ZNF521: variants seen among roughly 807,000 people sequenced by gnomAD.
The protein encoded by ZNF521 is LYST-interacting protein 3.
In ZNF521, 14 loss-of-function variants were observed where a neutral mutation model predicts 105.5. The observed-to-expected ratio is 0.13, with a 90% CI of 0.09 to 0.21. The LOEUF (loss-of-function observed/expected upper bound fraction) is 0.21. Ranked by LOEUF, ZNF521 falls within the 10% of genes least tolerant of loss-of-function variation. The probability of loss-of-function intolerance (pLI) is 1.00; values close to 1 mark genes in which losing one functional copy is unlikely to be tolerated. For synonymous variants in ZNF521, 635 were observed against 606.0 expected, an observed-to-expected ratio of 1.05 and a Z score of -0.70; for missense variants, 1,233 against 1,629.7, an observed-to-expected ratio of 0.76 and a Z score of 4.19.
chr18:25,149,277 T>C (rs1567983192), intron 5 of ZNF521, among the ~76,000 whole-genome samples: 2 of 152,214 alleles, frequency 1.3e-5, no homozygotes, highest in Non-Finnish European at 2.9e-5. Flanking sequence ...GCCATAGATG[T>C]AGGTCTTCTT....
chr18:25,283,285 A>T (rs1436363417), intron 3 of ZNF521, among the ~76,000 whole-genome samples: 1 of 152,194 alleles, frequency 6.6e-6, no homozygotes, highest in Admixed American at 6.5e-5. Context: ...CACATCATAC[A>T]TTCCCACTCT....
intron 5 of ZNF521, among the ~76,000 whole-genome samples, chr18:25,104,280 A>G (rs921838043): frequency 2.6e-5 from 4 of 152,226 alleles, no homozygotes; most frequent in African/African-American, 9.6e-5. Context: ...CTCTCCTAAC[A>G]CAAAAGGAAA....
chr18:25,085,891 A>G (rs1284771679), intron 7 of ZNF521, among the ~76,000 whole-genome samples: 1 of 152,108 alleles, frequency 6.6e-6, no homozygotes, highest in Non-Finnish European at 1.5e-5. Context: ...AAAGATATCC[A>G]TAGTGATGTT....
chr18:25,164,550 A>C (rs892155660), intron 5 of ZNF521, among the ~76,000 whole-genome samples: 1 of 152,216 alleles, frequency 6.6e-6, no homozygotes, highest in Non-Finnish European at 1.5e-5. Context: ...GTTTAATTTA[A>C]ACTGCATGCG....
At chr18:25,069,744 G>C (rs2033168398) in intron 7 of ZNF521, among the ~76,000 whole-genome samples, 1 of 152,212 alleles carries the variant, frequency 6.6e-6, no homozygotes, top group African/African-American at 2.4e-5. Flanking sequence ...CATATGCATA[G>C]TGGATTTTTT....
In ZNF521 at chr18:25,156,045, T is replaced by C. The variant is rs138407969; in HGVS notation, c.3658+39115A>G. Among the ~76,000 whole-genome samples the C allele has an allele frequency of 2.0e-4, 30 of 152,320 alleles. No homozygotes were observed. In the East Asian group the frequency reaches 4.0e-3, roughly 21 times the overall value. ...GAGCTAATGTACAACATAAGGACTA[T>C]AGTTAGTGATAGTGTACTGTACTCA... is the stretch of plus-strand genomic sequence containing the variant. On this transcript the variant is annotated intron_variant, in intron 5 of 7. Transcript: ENST00000361524.
chr18:25,162,401 T>C (rs1293153089), intron 5 of ZNF521, among the ~76,000 whole-genome samples: 1 of 152,218 alleles, frequency 6.6e-6, no homozygotes, highest in African/African-American at 2.4e-5. Context: ...AATGTATGGA[T>C]ACGGAATTCT....
intron 5 of ZNF521, among the ~76,000 whole-genome samples, chr18:25,187,142 A>T (rs1341204349): frequency 6.6e-6 from 1 of 152,146 alleles, no homozygotes; most frequent in Non-Finnish European, 1.5e-5. Context: ...CATCTTAAAG[A>T]AAAAAGTAAA....
chr18:25,069,258 A>AGTTTTAAAAGTTAAAAAAGTTTAAAAG (rs2033154439), intron 7 of ZNF521, among the ~76,000 whole-genome samples: 1 of 152,166 alleles, frequency 6.6e-6, no homozygotes, highest in Admixed American at 6.5e-5. Context: ...AAAAGTGTAT[A>AGTTTTAAAAGTTAAAAAAGTTTAAAAG]CAGCTAATGA....
chr18:25,285,433 T>C (rs1234924058), intron 3 of ZNF521, among the ~76,000 whole-genome samples: 4 of 152,212 alleles, frequency 2.6e-5, no homozygotes, highest in Non-Finnish European at 5.9e-5. Flanking sequence ...TTATAAAACA[T>C]GTGTTGCTGA....
At chr18:25,245,924 A>G (rs1399924549) in intron 3 of ZNF521, among the ~76,000 whole-genome samples, 1 of 152,116 alleles carries the variant, frequency 6.6e-6, no homozygotes, top group East Asian at 1.9e-4. Context: ...AGGCAAGAGG[A>G]TTGCTTGAGC....
chr18:25,094,696 T>C (rs72881251), intron 5 of ZNF521, among the ~76,000 whole-genome samples: 20,674 of 152,114 alleles, frequency 0.14, 1,588 homozygotes, highest in Middle Eastern at 0.2. Context: ...ATATATGAAT[T>C]GTTACACAGC....
intron 4 of ZNF521, among the ~76,000 whole-genome samples, chr18:25,207,019 T>C (rs1339513678): frequency 1.3e-5 from 2 of 152,174 alleles, no homozygotes; most frequent in Admixed American, 6.5e-5. Flanking sequence ...TAACTAAAAT[T>C]ATCTAGATTT....
intron 5 of ZNF521, among the ~76,000 whole-genome samples, chr18:25,106,370 AAAAC>A (rs1200035004): frequency 1.3e-5 from 2 of 152,182 alleles, no homozygotes; most frequent in African/African-American, 4.8e-5. Flanking sequence ...GGGGTTAACA[AAAAC>A]AAACAAACCC....
chr18:25,230,687 TC>T (rs1906476496), intron 3 of ZNF521, among the ~76,000 whole-genome samples: 1 of 152,228 alleles, frequency 6.6e-6, no homozygotes, highest in African/African-American at 2.4e-5. Context: ...GGACTGTCTT[TC>T]TGGGTGATGG....
intron 4 of ZNF521, among the ~76,000 whole-genome samples, chr18:25,213,011 A>AT (rs946300126): frequency 6.6e-6 from 1 of 151,412 alleles, no homozygotes; most frequent in Non-Finnish European, 1.5e-5. Flanking sequence ...TATATTTTCA[A>AT]TTTTTGTGCT....
At chr18:25,351,741 C>G (rs1378601338) in intron 1 of ZNF521, 1 of 155,534 alleles carries the variant, frequency 6.4e-6, no homozygotes, top group Admixed American at 6.5e-5. Context: ...GAGCCGACGG[C>G]CCCCAGGTGG....
chr18:25,244,249 A>G (rs983270808), intron 3 of ZNF521, among the ~76,000 whole-genome samples: 1 of 151,850 alleles, frequency 6.6e-6, no homozygotes, highest in Non-Finnish European at 1.5e-5. Context: ...ACTTTCCCAG[A>G]GACATTCTAA....
chr18:25,342,403 C>A (rs1249584452), intron 2 of ZNF521, among the ~76,000 whole-genome samples: 1 of 125,030 alleles, frequency 8.0e-6, no homozygotes, highest in Non-Finnish European at 1.7e-5. Context: ...CCTTTTCTTT[C>A]CTTTGTTTTT....
Sources: gnomAD v4.1 joint callset for allele counts (sites outside exome capture counted in the v4.1 genomes callset) on GRCh38, gnomAD v4.1.1 for gene constraint, MANE v1.5 for transcripts, NCBI Gene and HGNC (gene_info 2026-07-23, HGNC 2026-07-21) for gene names.